CCDC141: variants seen among roughly 807,000 people sequenced by gnomAD.
The protein encoded by CCDC141 is coiled-coil domain-containing protein 141.
Under a neutral mutation model 181.0 loss-of-function variants are expected in CCDC141, and 168 were observed. The ratio of observed to expected loss-of-function variants is 0.93; its 90% CI spans 0.82 to 1.05. The LOEUF is 1.05. Among genes scored for constraint, CCDC141 ranks in the 50% least tolerant of loss-of-function variants. The pLI is 0.00. For missense variants in CCDC141, 1,902 were observed against 1,788.5 expected (o/e 1.06, Z -1.14); for synonymous variants, 666 against 642.3 (o/e 1.04, Z -0.56).
rs375249342 is a variant in CCDC141 at position 178,834,322 on chromosome 2, G to A, written c.4444C>T (p.Arg1482Trp). 4.1e-5 allele frequency: 63 copies of A among 1,535,860 alleles called. No homozygotes were observed. The East Asian group carries it at 6.4e-4, about 15-fold the overall frequency. The stretch of plus-strand genomic sequence containing the variant: ...AGAGCGCCGCTAGAGTTTTGGGCCC[G>A]AGCCACATAGAGGCCTGCGTCTGCC... The part of the protein sequence containing the change: ...CKADAGLYVA[R>W]AQNSSGALSS... The change falls in exon 24 of 24, where the codon CGG (arginine) becomes TGG (tryptophan). Residue 1482 changes from arginine (R) to tryptophan (W), a missense_variant. By Grantham distance (101) the Arg-to-Trp change is moderately radical (BLOSUM62 -3). Coordinates refer to ENST00000443758, the MANE Select transcript of CCDC141 (RefSeq NM_173648.4).
At chr2:178,906,325 T>C (rs1292746930) in intron 7 of CCDC141, among the ~76,000 whole-genome samples, 1 of 152,108 alleles carries the variant, frequency 6.6e-6, no homozygotes, top group Non-Finnish European at 1.5e-5. Flanking sequence ...GGTATTAAGA[T>C]GGAGGAGTGT....
chr2:178,871,383 A>C lies in CCDC141; in HGVS notation c.2205+44T>G, dbSNP rs760796194. The C allele has an allele frequency of 1.2e-5, 19 of 1,586,838 alleles. No homozygotes were observed. The South Asian group carries it at 2.2e-4, about 18-fold the overall frequency. On this transcript the variant is annotated intron_variant, in intron 14 of 23. Coordinates refer to ENST00000443758, the MANE Select transcript of CCDC141 (RefSeq NM_173648.4). ...GGTAAACTGCAACCAAACAGTTTTA[A>C]GTATTTTTTCCATTCACCCAAATCC...
In CCDC141 at chr2:178,886,866, T is replaced by C; in HGVS notation, c.1413A>G (p.Glu471=). The C allele has an allele frequency of 7.0e-7, 1 of 1,423,960 alleles. No individual in the cohort carries two copies. Among genetic ancestry groups the C allele is most frequent in the Admixed American group, 3.3e-5 (1 of 30,628 alleles). The allele number at this position is 1,423,960 out of a possible 1,614,324, so 88.2% of individuals were successfully genotyped here. ...CTGGACTGATTTTCTGAATTGACAT[T>C]TCCACCTTTAGGAGTGAATAATATA... is the stretch of plus-strand genomic sequence containing the variant. ...ASVEGYLRKV[E]MSIQKISPVL... Residue 471 remains glutamate, a synonymous_variant, in exon 10 of 24, where the codon GAA becomes GAG. Transcript: ENST00000443758.
intron 2 of CCDC141, among the ~76,000 whole-genome samples, chr2:179,041,024 C>T (rs1323305285): frequency 6.6e-6 from 1 of 152,098 alleles, no homozygotes; most frequent in South Asian, 2.1e-4. Context: ...TAAAAGCATT[C>T]CTTTTCTCCA....
rs866865533 is a variant in CCDC141 at position 178,964,613 on chromosome 2, C to T, written c.527-3130G>A. On this transcript the variant is annotated intron_variant, in intron 4 of 23. Transcript: ENST00000443758. Reference sequence around the variant, plus strand: ...TGAGTCAGTCTGTTACCTGCTACCACGATGGCTGTTGAGGTGGATGGATTC... The same window carrying T: ...TGAGTCAGTCTGTTACCTGCTACCATGATGGCTGTTGAGGTGGATGGATTC... Among the ~76,000 whole-genome samples the T allele has an allele frequency of 2.0e-4, 30 of 152,312 alleles. No homozygotes were observed. In the Middle Eastern group the frequency reaches 0.014, roughly 69 times the overall value.
rs17453403 is a variant in CCDC141 at position 178,845,823 on chromosome 2, C to G, written c.3358-81G>C. 72,409 of 813,750 alleles carry G rather than the reference C, an allele frequency of 0.089. 4,355 individuals carry two copies. The highest frequency in any genetic ancestry group is 0.23 in the Admixed American group (12,745 of 55,918). 50.4% of individuals were successfully genotyped at this position (813,750 alleles called of 1,614,324 possible). A position where few individuals can be genotyped will look rare whatever the true frequency, so the allele number is the denominator to read the frequency against. ...CATACACTAACTACTTGGAAGAAAA[C>G]ATAGACCACTTGCAACCTTTCAGCA... On this transcript the variant is annotated intron_variant, in intron 21 of 23. Transcript: ENST00000443758.
intron 5 of CCDC141, among the ~76,000 whole-genome samples, chr2:178,954,824 CA>C (rs1559004786): frequency 6.6e-6 from 1 of 150,672 alleles, no homozygotes; most frequent in South Asian, 2.1e-4. Flanking sequence ...AAAAAAAAAC[CA>C]AAAAACTTTG....
intron 9 of CCDC141, among the ~76,000 whole-genome samples, chr2:178,887,417 T>C (rs2154370792): frequency 6.6e-6 from 1 of 152,218 alleles, no homozygotes; most frequent in South Asian, 2.1e-4. Context: ...TGGACATGAG[T>C]CATTGACTAA....
intron 6 of CCDC141, among the ~76,000 whole-genome samples, chr2:178,932,617 T>G (rs1319658765): frequency 6.6e-6 from 1 of 152,216 alleles, no homozygotes; most frequent in East Asian, 1.9e-4. Context: ...TACACACATA[T>G]AGTGTATATG....
intron 2 of CCDC141, among the ~76,000 whole-genome samples, chr2:179,038,255 A>C (rs2043198077): frequency 6.6e-6 from 1 of 152,230 alleles, no homozygotes; most frequent in Non-Finnish European, 1.5e-5. Flanking sequence ...AAGTGAAATA[A>C]GTCAGGCACA....
At chr2:178,923,399 C>T (rs1203825869) in intron 6 of CCDC141, among the ~76,000 whole-genome samples, 2 of 152,264 alleles carry the variant, frequency 1.3e-5, no homozygotes, top group East Asian at 1.9e-4. Flanking sequence ...CCACCGCGCC[C>T]GGCCCCACCA....
chr2:178,844,576 C>A (rs1034739602), intron 22 of CCDC141, among the ~76,000 whole-genome samples: 3 of 152,136 alleles, frequency 2.0e-5, no homozygotes, highest in Non-Finnish European at 4.4e-5. Context: ...CGCTCAAGAC[C>A]CTACCACAAA....
intron 2 of CCDC141, among the ~76,000 whole-genome samples, chr2:179,042,138 C>T (rs759237962): frequency 2.6e-5 from 4 of 152,210 alleles, no homozygotes; most frequent in Non-Finnish European, 4.4e-5. Context: ...CCACATGGCG[C>T]TTACTTTAAA....
At chr2:178,847,987 A>G (rs1456658145) in intron 21 of CCDC141, among the ~76,000 whole-genome samples, 1 of 152,218 alleles carries the variant, frequency 6.6e-6, no homozygotes, top group Non-Finnish European at 1.5e-5. Flanking sequence ...CTCCAGAACT[A>G]TGAGAAACAA....
chr2:178,972,392 T>C (rs1055068208), intron 4 of CCDC141, among the ~76,000 whole-genome samples: 3 of 152,294 alleles, frequency 2.0e-5, no homozygotes, highest in Admixed American at 2.0e-4. Flanking sequence ...GCTTTGGAGA[T>C]CTAGGGTCTC....
chr2:178,923,285 T>A (rs906187719), intron 6 of CCDC141, among the ~76,000 whole-genome samples: 18 of 151,704 alleles, frequency 1.2e-4, no homozygotes, highest in Non-Finnish European at 2.2e-4. Context: ...TTTGTATTTT[T>A]AGTAGAGACG....
intron 17 of CCDC141, among the ~76,000 whole-genome samples, chr2:178,863,530 T>G (rs899165951): frequency 6.6e-6 from 1 of 152,224 alleles, no homozygotes; most frequent in African/African-American, 2.4e-5. Flanking sequence ...ATAGCAAATA[T>G]TATTACCACT....
intron 2 of CCDC141, among the ~76,000 whole-genome samples, chr2:178,986,991 A>C (rs1691779768): frequency 6.6e-6 from 1 of 152,078 alleles, no homozygotes; most frequent in Admixed American, 6.5e-5. Context: ...TGGAACCAAA[A>C]AAGAGCCCGC....
chr2:179,044,944 G>T (rs908633549), intron 2 of CCDC141, among the ~76,000 whole-genome samples: 1 of 150,752 alleles, frequency 6.6e-6, no homozygotes, highest in Non-Finnish European at 1.5e-5. Context: ...CTGGCTCATT[G>T]CTCTTCCACA....
Sources: gnomAD v4.1 joint callset for allele counts (sites outside exome capture counted in the v4.1 genomes callset) on GRCh38, gnomAD v4.1.1 for gene constraint, MANE v1.5 for transcripts, NCBI Gene and HGNC (gene_info 2026-07-23, HGNC 2026-07-21) for gene names.